MAST4: variants seen among roughly 807,000 people sequenced by gnomAD.
MAST4 encodes the protein microtubule-associated serine/threonine-protein kinase 4.
A neutral mutation model predicts 162.7 loss-of-function variants in MAST4; 89 were observed. The ratio of observed to expected loss-of-function variants is 0.55; its 90% CI spans 0.46 to 0.65. The LOEUF (loss-of-function observed/expected upper bound fraction) is 0.65, where lower values mean the gene tolerates loss of function less well. Among genes scored for constraint, MAST4 ranks in the 30% least tolerant of loss-of-function variants. MAST4 has a pLI of 0.00. For missense variants in MAST4, 3,153 were observed against 3,374.0 expected (o/e 0.93, Z 1.62); for synonymous variants, 1,479 against 1,361.1 (o/e 1.09, Z -1.91).
chr5:66,726,373 G>T (rs1751519160), intron 1 of MAST4, among the ~76,000 whole-genome samples: 1 of 152,116 alleles, frequency 6.6e-6, no homozygotes, highest in Non-Finnish European at 1.5e-5. Context: ...CTCTCTAGAA[G>T]AAAAGACTCC....
chr5:66,671,733 T>G (rs965928765), intron 1 of MAST4, among the ~76,000 whole-genome samples: 2 of 152,086 alleles, frequency 1.3e-5, no homozygotes, highest in Admixed American at 1.3e-4. Flanking sequence ...TGATGAGAGG[T>G]TAAATTAAGC....
At chr5:66,872,144 A>T (rs533458259) in intron 3 of MAST4, among the ~76,000 whole-genome samples, 3 of 130,814 alleles carry the variant, frequency 2.3e-5, no homozygotes, top group African/African-American at 8.0e-5. Context: ...TGTATAGGAT[A>T]TAAATTTTTT....
intron 4 of MAST4, among the ~76,000 whole-genome samples, chr5:67,038,494 G>A (rs1192492526): frequency 6.6e-6 from 1 of 152,110 alleles, no homozygotes; most frequent in Non-Finnish European, 1.5e-5. Flanking sequence ...GTGGAGTAAC[G>A]TGGCTACTTA....
At chr5:66,978,782 G>A (rs1301738598) in intron 4 of MAST4, among the ~76,000 whole-genome samples, 4 of 152,138 alleles carry the variant, frequency 2.6e-5, no homozygotes, top group Non-Finnish European at 5.9e-5. Context: ...TTGTGGAAGA[G>A]GAACATTGGA....
chr5:66,621,374 C>T (rs1744066372), intron 1 of MAST4, among the ~76,000 whole-genome samples: 1 of 152,144 alleles, frequency 6.6e-6, no homozygotes, highest in Admixed American at 6.5e-5. Flanking sequence ...GTATGAGTAG[C>T]AGTGAGAAAA....
chr5:66,813,735 G>A (rs1465074377), intron 3 of MAST4, among the ~76,000 whole-genome samples: 1 of 152,226 alleles, frequency 6.6e-6, no homozygotes. Context: ...AGAAGAAATA[G>A]GTGGTTTAAC....
At chr5:66,708,364 AGT>A (rs1234672082) in intron 1 of MAST4, among the ~76,000 whole-genome samples, 2 of 152,166 alleles carry the variant, frequency 1.3e-5, no homozygotes, top group Non-Finnish European at 2.9e-5. Flanking sequence ...ATTACATGAG[AGT>A]GTGAACAAAC....
chr5:66,867,152 A>C (rs1190303601), intron 3 of MAST4, among the ~76,000 whole-genome samples: 1 of 152,226 alleles, frequency 6.6e-6, no homozygotes, highest in Non-Finnish European at 1.5e-5. Flanking sequence ...TTTCTAGGCT[A>C]GAAATGCCTA....
chr5:66,633,719 T>C (rs1437318338), intron 1 of MAST4, among the ~76,000 whole-genome samples: 1 of 152,240 alleles, frequency 6.6e-6, no homozygotes, highest in East Asian at 1.9e-4. Context: ...CCAACTAGGT[T>C]ACCCACCTTT....
intron 4 of MAST4, among the ~76,000 whole-genome samples, chr5:67,017,637 C>T (rs1745487208): frequency 1.3e-5 from 2 of 149,758 alleles, no homozygotes; most frequent in South Asian, 2.1e-4. Context: ...AGACTCTCAC[C>T]CTGTCACCCA....
intron 3 of MAST4, among the ~76,000 whole-genome samples, chr5:66,852,942 G>A (rs992394072): frequency 2.6e-5 from 4 of 152,206 alleles, no homozygotes; most frequent in African/African-American, 9.7e-5. Flanking sequence ...GTGGAAAACA[G>A]AAATGACATA....
intron 1 of MAST4, among the ~76,000 whole-genome samples, chr5:66,626,927 T>G (rs145264377): frequency 6.6e-5 from 10 of 152,114 alleles, no homozygotes; most frequent in African/African-American, 2.4e-4. Context: ...TAGTTAGCAG[T>G]GCCCAAGGCA....
rs750644280 is a variant in MAST4 at position 67,165,369 on chromosome 5, G to A, written c.6190G>A (p.Ala2064Thr). ...PPRDNSSLHSAGIPCEKELGK... is the reference protein window; with the variant it reads ...PPRDNSSLHSTGIPCEKELGK... ...CAGAGACAACTCCTCTCTGCACTCA[G>A]CTGGAATTCCCTGTGAGAAGGAGCT... Residue 2064 changes from alanine (A) to threonine (T), a missense_variant, in exon 29 of 29, where the codon GCT becomes ACT. By Grantham distance (58) the Ala-to-Thr change is moderately conservative. Coordinates refer to ENST00000403625, the MANE Select transcript of MAST4 (RefSeq NM_001164664.2). 28 of 1,613,650 alleles carry A rather than the reference G, an allele frequency of 1.7e-5. No individual in the cohort carries two copies. Among genetic ancestry groups the A allele is most frequent in the Middle Eastern group, 1.6e-4 (1 of 6,084 alleles).
chr5:66,939,483 A>C (rs1466280980), intron 4 of MAST4, among the ~76,000 whole-genome samples: 1 of 152,128 alleles, frequency 6.6e-6, no homozygotes, highest in Non-Finnish European at 1.5e-5. Context: ...TTTGAATTTC[A>C]CTAACAACGT....
At chr5:66,950,437 T>C (rs1292397159) in intron 4 of MAST4, among the ~76,000 whole-genome samples, 1 of 152,124 alleles carries the variant, frequency 6.6e-6, no homozygotes, top group Non-Finnish European at 1.5e-5. Flanking sequence ...CCCCTTCCCC[T>C]AGTCTCTGAC....
chr5:66,892,310 C>T (rs2149949876), intron 3 of MAST4, among the ~76,000 whole-genome samples: 2 of 152,220 alleles, frequency 1.3e-5, no homozygotes, highest in East Asian at 3.9e-4. Flanking sequence ...ACTGATCACC[C>T]TCCTCCCTTT....
intron 1 of MAST4, among the ~76,000 whole-genome samples, chr5:66,699,377 C>G (rs1749617818): frequency 6.6e-6 from 1 of 152,140 alleles, no homozygotes; most frequent in African/African-American, 2.4e-5. Flanking sequence ...TATTTTTTCT[C>G]CAGAGAACTG....
At chr5:66,865,549 T>C (rs189579203) in intron 3 of MAST4, among the ~76,000 whole-genome samples, 63 of 152,354 alleles carry the variant, frequency 4.1e-4, no homozygotes, top group Admixed American at 2.8e-3. Context: ...AAGTCATCTA[T>C]TTAAATAAAA....
chr5:67,121,496 A>C (rs16896295), intron 14 of MAST4, among the ~76,000 whole-genome samples: 58,329 of 151,130 alleles, frequency 0.39, 13,658 homozygotes, highest in African/African-American at 0.67. Flanking sequence ...TACTACATGA[A>C]AATTAGCCTG....
Sources: gnomAD v4.1 joint callset for allele counts (sites outside exome capture counted in the v4.1 genomes callset) on GRCh38, gnomAD v4.1.1 for gene constraint, MANE v1.5 for transcripts, NCBI Gene and HGNC (gene_info 2026-07-23, HGNC 2026-07-21) for gene names.